The following CNTNAP2 variants were observed in gnomAD, a reference collection of about 807,000 sequenced individuals.
The protein encoded by CNTNAP2 is contactin associated protein 2.
Under a neutral mutation model 155.2 loss-of-function variants are expected in CNTNAP2, and 98 were observed. The observed-to-expected ratio is 0.63, with a 90% CI of 0.54 to 0.75. The LOEUF (loss-of-function observed/expected upper bound fraction) is 0.75. Ranked by LOEUF, CNTNAP2 falls within the 30% of genes least tolerant of loss-of-function variation. CNTNAP2 has a pLI of 0.00. For synonymous variants in CNTNAP2, 651 were observed against 631.2 expected, an observed-to-expected ratio of 1.03 and a Z score of -0.47; for missense variants, 1,727 against 1,688.1, an observed-to-expected ratio of 1.02 and a Z score of -0.40.
chr7:147,025,157 G>C (rs912053125), intron 3 of CNTNAP2, among the ~76,000 whole-genome samples: 1 of 148,802 alleles, frequency 6.7e-6, no homozygotes, highest in Admixed American at 6.7e-5. Context: ...GTGGTGGCAC[G>C]CCCCTGTAAT....
At chr7:147,981,786 G>GGTGTGTGTGTGTGTGTGT (rs57272792) in intron 15 of CNTNAP2, among the ~76,000 whole-genome samples, 1,650 of 143,678 alleles carry the variant, frequency 0.011, 17 homozygotes, top group African/African-American at 0.029. Context: ...TGTCCTTACA[G>GGTGTGTGTGTGTGTGTGT]GTGTGTGTGT....
intron 1 of CNTNAP2, among the ~76,000 whole-genome samples, chr7:146,600,461 A>G (rs920154446): frequency 6.6e-5 from 10 of 152,100 alleles, no homozygotes; most frequent in African/African-American, 2.4e-4. Flanking sequence ...ACAAAGCACT[A>G]CTTTCATTTC....
At chr7:146,849,520 C>T (rs1473467173) in intron 3 of CNTNAP2, among the ~76,000 whole-genome samples, 1 of 152,112 alleles carries the variant, frequency 6.6e-6, no homozygotes. Flanking sequence ...GGCTCTGGAC[C>T]GGACCTCAAA....
In CNTNAP2 at chr7:146,277,597, T is replaced by G. The variant is rs144230678; in HGVS notation, c.97+160624T>G. ...TAATCCTGCTGCTTTGGAAGAAGCTTTTATTTCCTGCTTATCCATTAAGAA... is the reference window on the plus strand; with the variant it reads ...TAATCCTGCTGCTTTGGAAGAAGCTGTTATTTCCTGCTTATCCATTAAGAA... On this transcript the variant is annotated intron_variant, in intron 1 of 23. Coordinates refer to ENST00000361727, the MANE Select transcript of CNTNAP2 (RefSeq NM_014141.6). 5.3e-3 allele frequency among the ~76,000 whole-genome samples: 809 copies of G among 152,312 alleles called. 3 individuals are homozygous for G. Among genetic ancestry groups the G allele is most frequent in the Non-Finnish European group, 9.0e-3 (611 of 68,016 alleles).
chr7:147,561,691 G>A (rs1800067222), intron 11 of CNTNAP2, among the ~76,000 whole-genome samples: 1 of 152,168 alleles, frequency 6.6e-6, no homozygotes, highest in Non-Finnish European at 1.5e-5. Flanking sequence ...AAGTGTGCAT[G>A]TGAGTGTATG....
chr7:147,122,517 T>G (rs1801141124), intron 6 of CNTNAP2: 1 of 152,268 alleles, frequency 6.6e-6, no homozygotes, highest in Non-Finnish European at 1.5e-5. Flanking sequence ...GCTATTGCAC[T>G]GTACGACTGG....
intron 8 of CNTNAP2, among the ~76,000 whole-genome samples, chr7:147,293,728 T>C (rs1039766673): frequency 1.3e-5 from 2 of 152,166 alleles, no homozygotes; most frequent in African/African-American, 4.8e-5. Flanking sequence ...GCAACATCTG[T>C]TTCTTCTTGT....
chr7:146,977,557 C>T lies in CNTNAP2; in HGVS notation c.403-66350C>T, dbSNP rs73463233. On this transcript the variant is annotated intron_variant, in intron 3 of 23. Coordinates refer to ENST00000361727, the MANE Select transcript of CNTNAP2 (RefSeq NM_014141.6). ...TCTGAAGGTGAAAGATAATAACAGA[C>T]AGTGTTGAGACCAGAGCTAAAATTG... Among the ~76,000 whole-genome samples the T allele has an allele frequency of 2.7e-3, 418 of 152,208 alleles. 1 individual carries two copies. Among genetic ancestry groups the T allele is most frequent in the African/African-American group, 9.6e-3 (399 of 41,530 alleles).
At chr7:148,397,042 A>G (rs1299644355) in intron 22 of CNTNAP2, among the ~76,000 whole-genome samples, 1 of 152,200 alleles carries the variant, frequency 6.6e-6, no homozygotes, top group Non-Finnish European at 1.5e-5. Context: ...TTTGTAAACT[A>G]TTTTATTTGT....
chr7:147,181,115 G>A (rs1178811009), intron 8 of CNTNAP2, among the ~76,000 whole-genome samples: 1 of 152,184 alleles, frequency 6.6e-6, no homozygotes, highest in Non-Finnish European at 1.5e-5. Context: ...TTTGAAGTAA[G>A]TCACTATAAG....
intron 11 of CNTNAP2, among the ~76,000 whole-genome samples, chr7:147,512,302 T>C (rs1352435696): frequency 1.3e-5 from 2 of 152,222 alleles, no homozygotes; most frequent in African/African-American, 4.8e-5. Flanking sequence ...GGGAGCACTT[T>C]TCTTGATAGA....
intron 1 of CNTNAP2, among the ~76,000 whole-genome samples, chr7:146,265,023 G>T (rs1418679316): frequency 6.6e-6 from 1 of 152,004 alleles, no homozygotes; most frequent in Non-Finnish European, 1.5e-5. Context: ...GCTGAAAGGA[G>T]AAAAAAACAA....
chr7:146,874,777 C>T (rs891722265), intron 3 of CNTNAP2, among the ~76,000 whole-genome samples: 9 of 152,164 alleles, frequency 5.9e-5, no homozygotes, highest in Non-Finnish European at 1.2e-4. Context: ...TATGATAACA[C>T]GACTTCTCAT....
intron 15 of CNTNAP2, among the ~76,000 whole-genome samples, chr7:148,114,460 G>C (rs1022052916): frequency 6.6e-6 from 1 of 152,192 alleles, no homozygotes; most frequent in Admixed American, 6.6e-5. Context: ...TGAGGCTGAA[G>C]ATTACTGAGA....
In CNTNAP2 at chr7:147,098,348, G is replaced by C. The variant is rs1020302527; in HGVS notation, c.551-9799G>C. Among the ~76,000 whole-genome samples the C allele has an allele frequency of 6.6e-5, 10 of 152,248 alleles. No homozygotes were observed. In the East Asian group the frequency reaches 1.9e-3, roughly 29 times the overall value. ...ATGTAGTAAAGTCACAAACAACTGAGCGTTTTTAGAACAGTCGAATGTGCT... is the reference window on the plus strand; with the variant it reads ...ATGTAGTAAAGTCACAAACAACTGACCGTTTTTAGAACAGTCGAATGTGCT... On this transcript the variant is annotated intron_variant, in intron 4 of 23. Coordinates refer to ENST00000361727, the MANE Select transcript of CNTNAP2 (RefSeq NM_014141.6).
intron 13 of CNTNAP2, among the ~76,000 whole-genome samples, chr7:147,677,040 G>A (rs1203236452): frequency 6.7e-6 from 1 of 149,854 alleles, no homozygotes; most frequent in Non-Finnish European, 1.5e-5. Context: ...TAGTGAGATT[G>A]CTGGATCACT....
chr7:147,516,367 A>T (rs1018568938), intron 11 of CNTNAP2, among the ~76,000 whole-genome samples: 1 of 152,220 alleles, frequency 6.6e-6, no homozygotes, highest in South Asian at 2.1e-4. Context: ...TTAAAGCATT[A>T]GTTTATTGCT....
chr7:147,254,514 A>AT lies in CNTNAP2; in HGVS notation c.1349-45617dup, dbSNP rs370865767. ...AACTTTAAACAAACTTTTTTGGTTG[A>AT]TTTTTTTTTTCTATTCATTCCTTCT... On this transcript the variant is annotated intron_variant, in intron 8 of 23. Transcript: ENST00000361727. Among the ~76,000 whole-genome samples the AT allele has an allele frequency of 4.4e-3, 660 of 150,300 alleles. 3 individuals are homozygous for AT. The highest frequency in any genetic ancestry group is 0.012 in the African/African-American group (491 of 40,906).
chr7:146,414,551 C>T (rs985604089), intron 1 of CNTNAP2, among the ~76,000 whole-genome samples: 7 of 152,120 alleles, frequency 4.6e-5, no homozygotes, highest in Admixed American at 3.3e-4. Flanking sequence ...CAGCTGCCTA[C>T]TGTGTTATCC....
Sources: gnomAD v4.1 joint callset for allele counts (sites outside exome capture counted in the v4.1 genomes callset) on GRCh38, gnomAD v4.1.1 for gene constraint, MANE v1.5 for transcripts, NCBI Gene and HGNC (gene_info 2026-07-23, HGNC 2026-07-21) for gene names.